The following DPP10 variants were observed in gnomAD, a reference collection of about 807,000 sequenced individuals.
DPP10 encodes dipeptidyl peptidase like 10, also known as inactive dipeptidyl peptidase 10.
DPP10 carries 33 observed loss-of-function variants against 120.9 expected under a neutral mutation model. That is an observed-to-expected ratio of 0.27 (90% CI 0.21 to 0.37). The LOEUF (loss-of-function observed/expected upper bound fraction) is 0.37, where lower values mean the gene tolerates loss of function less well. Among genes scored for constraint, DPP10 ranks in the 10% least tolerant of loss-of-function variants. DPP10 has a pLI of 1.00. For synonymous variants in DPP10, 337 were observed against 326.1 expected (o/e 1.03, Z -0.36); for missense variants, 816 against 942.8 (o/e 0.87, Z 1.76).
intron 3 of DPP10, among the ~76,000 whole-genome samples, chr2:115,360,903 G>A (rs1351973457): frequency 6.6e-6 from 1 of 152,188 alleles, no homozygotes; most frequent in Non-Finnish European, 1.5e-5. Context: ...TGTGCAGCTG[G>A]TGTGGTACCC....
chr2:115,293,158 T>C (rs1297071711), intron 1 of DPP10, among the ~76,000 whole-genome samples: 2 of 152,012 alleles, frequency 1.3e-5, no homozygotes, highest in African/African-American at 4.8e-5. Context: ...AAAAGAAAAA[T>C]GGCCTTGCAG....
chr2:115,657,413 A>C (rs76393174), intron 5 of DPP10, among the ~76,000 whole-genome samples: 1 of 151,762 alleles, frequency 6.6e-6, no homozygotes, highest in Non-Finnish European at 1.5e-5. Flanking sequence ...CATTTCTTTT[A>C]ATTTATGAAA....
At chr2:114,937,539 G>C (rs1435374720) in intron 1 of DPP10, among the ~76,000 whole-genome samples, 2 of 152,102 alleles carry the variant, frequency 1.3e-5, no homozygotes, top group African/African-American at 4.8e-5. Flanking sequence ...TACCCTTAAG[G>C]TTTCACGCCC....
At chr2:114,619,119 G>A (rs1673310069) in intron 1 of DPP10, among the ~76,000 whole-genome samples, 1 of 151,954 alleles carries the variant, frequency 6.6e-6, no homozygotes, top group African/African-American at 2.4e-5. Flanking sequence ...ATATATTGTA[G>A]TTAGGAATCA....
At chr2:115,338,107 A>G (rs2063253320) in intron 2 of DPP10, among the ~76,000 whole-genome samples, 1 of 152,140 alleles carries the variant, frequency 6.6e-6, no homozygotes, top group Non-Finnish European at 1.5e-5. Flanking sequence ...AAAATATTGA[A>G]TAAATGTATT....
chr2:115,150,850 A>T lies in DPP10; in HGVS notation c.61-158389A>T, dbSNP rs547266605. On this transcript the variant is annotated intron_variant, in intron 1 of 25. Coordinates refer to ENST00000410059, the MANE Select transcript of DPP10 (RefSeq NM_020868.6). ...CATAGACAATTTTCATATATATTAG[A>T]TATCAAAATGATAAAACGTTTAGTG... is the stretch of plus-strand genomic sequence containing the variant. Among the ~76,000 whole-genome samples the T allele has an allele frequency of 1.5e-3, 225 of 152,372 alleles. 1 individual carries two copies. The highest frequency in any genetic ancestry group is 5.3e-3 in the African/African-American group (219 of 41,588).
chr2:115,009,456 A>T (rs1334173599), intron 1 of DPP10, among the ~76,000 whole-genome samples: 1 of 152,028 alleles, frequency 6.6e-6, no homozygotes, highest in African/African-American at 2.4e-5. Flanking sequence ...GAGGGATAGC[A>T]TTGGGAGATA....
intron 1 of DPP10, among the ~76,000 whole-genome samples, chr2:114,754,287 C>G (rs983646214): frequency 1.3e-5 from 2 of 152,158 alleles, no homozygotes; most frequent in Non-Finnish European, 2.9e-5. Flanking sequence ...GTCACTTGTT[C>G]TGTTCACAAT....
intron 1 of DPP10, among the ~76,000 whole-genome samples, chr2:114,624,683 T>C (rs1437402064): frequency 1.3e-5 from 2 of 151,998 alleles, no homozygotes; most frequent in Non-Finnish European, 2.9e-5. Context: ...TATAAAAGTG[T>C]CAGACAATAT....
chr2:115,580,952 T>C (rs1271772379), intron 5 of DPP10, among the ~76,000 whole-genome samples: 1 of 152,128 alleles, frequency 6.6e-6, no homozygotes, highest in Non-Finnish European at 1.5e-5. Flanking sequence ...AAACACCCAT[T>C]GTTAAGGTAC....
rs538719882 is a variant in DPP10 at position 115,306,532 on chromosome 2, T to A, written c.61-2707T>A. Among the ~76,000 whole-genome samples, 140 of 152,128 alleles carry A rather than the reference T, an allele frequency of 9.2e-4. No homozygotes were observed. The Middle Eastern group carries it at 0.014, about 15-fold the overall frequency. On this transcript the variant is annotated intron_variant, in intron 1 of 25. Transcript: ENST00000410059. ...TTTGATTCTTTAGCCAGTGTAGGGA[T>A]GTTAAAGAACTTTGGAGAAAAAAAG...
At chr2:114,467,485 T>C (rs867008576) in intron 1 of DPP10, among the ~76,000 whole-genome samples, 28 of 152,214 alleles carry the variant, frequency 1.8e-4, no homozygotes, top group Middle Eastern at 6.8e-3. Flanking sequence ...TCAAACAAAA[T>C]AGATGTCTAG....
rs543571962 is a variant in DPP10, at chr2:114,967,755, G to T, written c.61-341484G>T. Among the ~76,000 whole-genome samples, 7 of 152,052 alleles carry T rather than the reference G, an allele frequency of 4.6e-5. No homozygotes were observed. The South Asian group carries it at 1.2e-3, about 27-fold the overall frequency. ...CTGCTAAAAAGTCTTCAGTTTCTTT[G>T]TATCCTTATCGCCTCTGCCTTATTT... On this transcript the variant is annotated intron_variant, in intron 1 of 25. Transcript: ENST00000410059.
At chr2:115,270,253 C>A (rs544835108) in intron 1 of DPP10, among the ~76,000 whole-genome samples, 1 of 152,052 alleles carries the variant, frequency 6.6e-6, no homozygotes, top group East Asian at 1.9e-4. Context: ...GGTCAGGAGA[C>A]GTAGAGAAGG....
intron 1 of DPP10, among the ~76,000 whole-genome samples, chr2:114,712,879 A>G (rs1232020602): frequency 6.6e-6 from 1 of 152,096 alleles, no homozygotes; most frequent in Non-Finnish European, 1.5e-5. Flanking sequence ...GTTGTATAAT[A>G]TTATTTCAAA....
intron 1 of DPP10, among the ~76,000 whole-genome samples, chr2:114,758,652 A>T (rs560993713): frequency 6.6e-5 from 10 of 152,192 alleles, no homozygotes; most frequent in Non-Finnish European, 1.2e-4. Flanking sequence ...TTGTATTTCA[A>T]ATAAATGTAT....
At chr2:115,216,316 T>C (rs1005057832) in intron 1 of DPP10, among the ~76,000 whole-genome samples, 3 of 151,940 alleles carry the variant, frequency 2.0e-5, no homozygotes, top group African/African-American at 7.3e-5. Context: ...TGAAAAAAAA[T>C]TTAATTAAAA....
At chr2:115,431,107 C>T (rs920423855) in intron 3 of DPP10, among the ~76,000 whole-genome samples, 1 of 152,126 alleles carries the variant, frequency 6.6e-6, no homozygotes, top group African/African-American at 2.4e-5. Flanking sequence ...ATGACAGTGC[C>T]CTGTGATTCT....
chr2:114,685,950 T>C (rs1316850733), intron 1 of DPP10, among the ~76,000 whole-genome samples: 2 of 151,996 alleles, frequency 1.3e-5, no homozygotes, highest in Non-Finnish European at 2.9e-5. Flanking sequence ...CTTGATTTTG[T>C]TCTTTAATAT....
Sources: allele counts gnomAD v4.1 joint callset (sites outside exome capture counted in the v4.1 genomes callset), GRCh38; gene constraint gnomAD v4.1.1; transcripts MANE v1.5; gene names NCBI Gene and HGNC (gene_info 2026-07-23, HGNC 2026-07-21).